Variants in TSHZ2 observed in about 807,000 individuals in gnomAD.
TSHZ2 encodes the protein teashirt homolog 2.
A neutral mutation model predicts 74.4 loss-of-function variants in TSHZ2; 21 were observed. That is an observed-to-expected ratio of 0.28 (90% confidence interval 0.20 to 0.41). The LOEUF (loss-of-function observed/expected upper bound fraction) is 0.41. Among genes scored for constraint, TSHZ2 ranks in the 10% least tolerant of loss-of-function variants. TSHZ2 has a pLI of 1.00. For synonymous variants in TSHZ2, 540 were observed against 515.3 expected, an observed-to-expected ratio of 1.05 and a Z score of -0.65; for missense variants, 1,244 against 1,293.5, an observed-to-expected ratio of 0.96 and a Z score of 0.59.
At chr20:53,119,431 A>T (rs1008178944) in intron 1 of TSHZ2, among the ~76,000 whole-genome samples, 3 of 152,214 alleles carry the variant, frequency 2.0e-5, no homozygotes, top group African/African-American at 7.2e-5. Flanking sequence ...GATAAGTGCT[A>T]CAGCAAGAGA....
intron 2 of TSHZ2, among the ~76,000 whole-genome samples, chr20:53,437,913 C>A (rs1467262204): frequency 3.3e-5 from 5 of 152,134 alleles, no homozygotes; most frequent in African/African-American, 1.2e-4. Context: ...GTAAAAGCTT[C>A]CTGAGGGCTG....
chr20:53,442,292 A>C (rs572401476), intron 2 of TSHZ2, among the ~76,000 whole-genome samples: 1 of 152,280 alleles, frequency 6.6e-6, no homozygotes, highest in African/African-American at 2.4e-5. Flanking sequence ...GAAAAGGAAA[A>C]GCAAACCCCA....
chr20:53,434,074 T>C (rs1019382376), intron 2 of TSHZ2, among the ~76,000 whole-genome samples: 2 of 152,172 alleles, frequency 1.3e-5, no homozygotes, highest in African/African-American at 4.8e-5. Context: ...TTTCACCATG[T>C]TGGCTGGGCT....
rs1213363089 is a variant in TSHZ2 at position 53,044,919 on chromosome 20, C to G, written c.40+71586C>G. Among the ~76,000 whole-genome samples the G allele has an allele frequency of 2.0e-5, 3 of 151,894 alleles. No individual in the cohort carries two copies. In the East Asian group the frequency reaches 5.8e-4, roughly 29 times the overall value. On this transcript the variant is annotated intron_variant, in intron 1 of 2. Transcript: ENST00000371497. ...TAGAAACGGGGTCTCACTTTTTTGCCCAGGCTGATCTTGAACTCCTGGCCT... is the reference window on the plus strand; with the variant it reads ...TAGAAACGGGGTCTCACTTTTTTGCGCAGGCTGATCTTGAACTCCTGGCCT...
At chr20:53,002,077 T>C (rs767062913) in intron 1 of TSHZ2, among the ~76,000 whole-genome samples, 6 of 152,218 alleles carry the variant, frequency 3.9e-5, no homozygotes, top group African/African-American at 1.4e-4. Flanking sequence ...CATCACTTCA[T>C]TGTAGTACAA....
intron 1 of TSHZ2, among the ~76,000 whole-genome samples, chr20:53,236,031 T>G (rs570913290): frequency 1.6e-4 from 25 of 152,154 alleles, no homozygotes; most frequent in Non-Finnish European, 3.4e-4. Context: ...AAATGCAAAG[T>G]TCACCAACAC....
At chr20:53,340,023 T>C (rs1201603830) in intron 2 of TSHZ2, among the ~76,000 whole-genome samples, 1 of 152,118 alleles carries the variant, frequency 6.6e-6, no homozygotes, top group East Asian at 1.9e-4. Flanking sequence ...TCAAGAATCT[T>C]GCTTTTGCAA....
chr20:53,121,644 T>C (rs565775376), intron 1 of TSHZ2, among the ~76,000 whole-genome samples: 10 of 152,348 alleles, frequency 6.6e-5, no homozygotes, highest in African/African-American at 2.2e-4. Context: ...ATGTCTTTCA[T>C]TGAGAGACAG....
At chr20:53,466,114 G>A (rs1344730586) in intron 2 of TSHZ2, among the ~76,000 whole-genome samples, 1 of 152,078 alleles carries the variant, frequency 6.6e-6, no homozygotes, top group Non-Finnish European at 1.5e-5. Flanking sequence ...GGGTGTGATG[G>A]CACATGCCTG....
intron 1 of TSHZ2, among the ~76,000 whole-genome samples, chr20:52,988,706 T>C (rs1337174798): frequency 6.6e-6 from 1 of 152,186 alleles, no homozygotes; most frequent in Non-Finnish European, 1.5e-5. Context: ...CTATCCATGA[T>C]GGCATTTTTG....
chr20:53,441,271 T>A (rs55851705), intron 2 of TSHZ2, among the ~76,000 whole-genome samples: 18,890 of 144,660 alleles, frequency 0.13, 1,839 homozygotes, highest in African/African-American at 0.29. Flanking sequence ...TTTTATTTTA[T>A]TTTATTTATT....
chr20:53,061,184 C>A (rs543090749), intron 1 of TSHZ2, among the ~76,000 whole-genome samples: 5 of 152,198 alleles, frequency 3.3e-5, no homozygotes, highest in South Asian at 2.1e-4. Flanking sequence ...ATATTTTGAA[C>A]GCCAGAAATG....
chr20:53,123,987 T>C (rs912324600), intron 1 of TSHZ2, among the ~76,000 whole-genome samples: 2 of 152,182 alleles, frequency 1.3e-5, no homozygotes, highest in African/African-American at 4.8e-5. Context: ...ATATGGTTGA[T>C]AGAGAAAGCA....
chr20:53,160,198 C>G (rs1987896075), intron 1 of TSHZ2, among the ~76,000 whole-genome samples: 1 of 152,106 alleles, frequency 6.6e-6, no homozygotes, highest in South Asian at 2.1e-4. Flanking sequence ...TATCTCTGAC[C>G]ATACTGGGCT....
chr20:53,279,426 A>G (rs1158183596), intron 2 of TSHZ2, among the ~76,000 whole-genome samples: 1 of 152,222 alleles, frequency 6.6e-6, no homozygotes, highest in Non-Finnish European at 1.5e-5. Flanking sequence ...TTTTTCAACC[A>G]TTTAAAAATA....
intron 1 of TSHZ2, among the ~76,000 whole-genome samples, chr20:53,227,834 T>A (rs931276097): frequency 6.6e-6 from 1 of 152,070 alleles, no homozygotes; most frequent in Admixed American, 6.6e-5. Context: ...TCAAAGGGAG[T>A]GAGGCTGTTA....
At chr20:53,322,564 C>T (rs1979316378) in intron 2 of TSHZ2, among the ~76,000 whole-genome samples, 1 of 152,040 alleles carries the variant, frequency 6.6e-6, no homozygotes, top group South Asian at 2.1e-4. Context: ...CTTCTGTTCT[C>T]ATTCCCCATG....
At chr20:53,387,683 G>T (rs908095977) in intron 2 of TSHZ2, among the ~76,000 whole-genome samples, 2 of 152,142 alleles carry the variant, frequency 1.3e-5, no homozygotes, top group Non-Finnish European at 2.9e-5. Flanking sequence ...AAACTGCATT[G>T]TTGCCTCTCG....
intron 1 of TSHZ2, among the ~76,000 whole-genome samples, chr20:53,216,423 G>A (rs953107964): frequency 3.9e-5 from 6 of 152,184 alleles, no homozygotes; most frequent in Non-Finnish European, 7.3e-5. Flanking sequence ...GAACATACAA[G>A]GAAAAATAGG....
Sources: allele counts gnomAD v4.1 joint callset (sites outside exome capture counted in the v4.1 genomes callset), GRCh38; gene constraint gnomAD v4.1.1; transcripts MANE v1.5; gene names NCBI Gene and HGNC (gene_info 2026-07-23, HGNC 2026-07-21).